ZFHX3: variants seen among roughly 807,000 people sequenced by gnomAD.
ZFHX3 encodes the protein zinc finger homeobox protein 3.
ZFHX3 carries 42 observed loss-of-function variants against 279.1 expected under a neutral mutation model. The observed-to-expected ratio is 0.15, with a 90% CI of 0.12 to 0.19. The LOEUF (loss-of-function observed/expected upper bound fraction) is 0.19. Among genes scored for constraint, ZFHX3 ranks in the 10% least tolerant of loss-of-function variants. ZFHX3 has a pLI of 1.00. For synonymous variants in ZFHX3, 2,293 were observed against 1,957.8 expected (o/e 1.17, Z -4.52); for missense variants, 4,981 against 4,754.0 (o/e 1.05, Z -1.40).
rs529589431 is a variant in ZFHX3, at chr16:73,153,116, C to T, written c.-1103-9285G>A. Among the ~76,000 whole-genome samples the T allele has an allele frequency of 1.1e-3, 163 of 152,216 alleles. 2 individuals are homozygous for T. The highest frequency in any genetic ancestry group is 3.7e-3 in the African/African-American group (152 of 41,552). ...TGTTAGGGAGAGACCCTCTCCTACC[C>T]CTCCAGCCCCACCACCCCAAACCAC... is the stretch of plus-strand genomic sequence containing the variant. On this transcript the variant is annotated intron_variant, in intron 5 of 17. Coordinates refer to the ZFHX3 transcript ENST00000641206.
At chr16:72,930,739 G>A (rs552503733) in intron 3 of ZFHX3, among the ~76,000 whole-genome samples, 8 of 152,242 alleles carry the variant, frequency 5.3e-5, no homozygotes, top group Admixed American at 5.2e-4. Context: ...CAAAAATAAT[G>A]CCTGTACATT....
chr16:73,433,385 T>C lies in ZFHX3; in HGVS notation c.-1291+22618A>G, dbSNP rs190921425. On this transcript the variant is annotated intron_variant, in intron 3 of 17. Coordinates refer to the ZFHX3 transcript ENST00000641206. ...ACACTGGAACCAAATTTGAATATCA[T>C]TTGCATCTTGCAGGTAGACAATAGA... is the stretch of plus-strand genomic sequence containing the variant. Among the ~76,000 whole-genome samples the C allele has an allele frequency of 2.2e-3, 342 of 152,204 alleles. 1 individual carries two copies. Among genetic ancestry groups the C allele is most frequent in the Non-Finnish European group, 3.1e-3 (213 of 68,026 alleles).
At chr16:72,915,823 A>C (rs2039428590) in intron 3 of ZFHX3, among the ~76,000 whole-genome samples, 1 of 152,240 alleles carries the variant, frequency 6.6e-6, no homozygotes, top group Non-Finnish European at 1.5e-5. Flanking sequence ...TCATTTTATA[A>C]AATGCAGAAA....
chr16:73,588,773 A>C (rs1170082662), intron 2 of ZFHX3, among the ~76,000 whole-genome samples: 1 of 152,030 alleles, frequency 6.6e-6, no homozygotes, highest in Non-Finnish European at 1.5e-5. Flanking sequence ...ACATGCAATC[A>C]TCAAAATTCA....
chr16:73,236,929 G>A (rs2012968137), intron 5 of ZFHX3, among the ~76,000 whole-genome samples: 1 of 152,196 alleles, frequency 6.6e-6, no homozygotes, highest in African/African-American at 2.4e-5. Context: ...TCAGCAAATG[G>A]TGAAGACAGC....
At chr16:73,159,378 CT>C (rs140613021) in intron 5 of ZFHX3, among the ~76,000 whole-genome samples, 5,949 of 152,232 alleles carry the variant, frequency 0.039, 370 homozygotes, top group African/African-American at 0.13. Flanking sequence ...GGCCATATGA[CT>C]TTTTTTCGGC....
chr16:73,603,019 C>T (rs2052137597), intron 2 of ZFHX3, among the ~76,000 whole-genome samples: 2 of 151,144 alleles, frequency 1.3e-5, no homozygotes, highest in Admixed American at 1.3e-4. Flanking sequence ...GGCGCGGTGA[C>T]TCACGCTTGT....
At chr16:73,299,842 C>G (rs1276824354) in intron 4 of ZFHX3, among the ~76,000 whole-genome samples, 1 of 152,166 alleles carries the variant, frequency 6.6e-6, no homozygotes, top group African/African-American at 2.4e-5. Flanking sequence ...ACTGGCCCAG[C>G]AAAGCAGACC....
At chr16:73,837,442 G>C (rs1294890465) in intron 1 of ZFHX3, among the ~76,000 whole-genome samples, 1 of 152,172 alleles carries the variant, frequency 6.6e-6, no homozygotes, top group Non-Finnish European at 1.5e-5. Flanking sequence ...GAGACAAAAA[G>C]TGTTGTGGTA....
At chr16:73,192,853 C>T (rs980173742) in intron 5 of ZFHX3, among the ~76,000 whole-genome samples, 2 of 152,126 alleles carry the variant, frequency 1.3e-5, no homozygotes, top group Non-Finnish European at 2.9e-5. Flanking sequence ...TCTCCTTGGG[C>T]GATCGACTGG....
At chr16:73,320,429 A>T (rs748527496) in intron 3 of ZFHX3, among the ~76,000 whole-genome samples, 2 of 152,248 alleles carry the variant, frequency 1.3e-5, no homozygotes, top group Non-Finnish European at 2.9e-5. Context: ...GCATTTATTT[A>T]TCGAACATAA....
chr16:73,229,958 T>C (rs946488019), intron 5 of ZFHX3, among the ~76,000 whole-genome samples: 1 of 152,058 alleles, frequency 6.6e-6, no homozygotes, highest in Admixed American at 6.6e-5. Flanking sequence ...TGATAGATGA[T>C]TGAGTGGATA....
At chr16:73,217,488 C>A (rs115756665) in intron 5 of ZFHX3, among the ~76,000 whole-genome samples, 2,379 of 152,258 alleles carry the variant, frequency 0.016, 69 homozygotes, top group African/African-American at 0.052. Context: ...CTACACTAAG[C>A]AATTGATCCC....
intron 1 of ZFHX3, among the ~76,000 whole-genome samples, chr16:73,877,888 TC>T (rs1567437750): frequency 6.6e-6 from 1 of 151,416 alleles, no homozygotes; most frequent in Non-Finnish European, 1.5e-5. Context: ...AAAGTTCAAC[TC>T]CCCCCAAAAA....
At chr16:73,403,610 A>T (rs1035762359) in intron 3 of ZFHX3, among the ~76,000 whole-genome samples, 1 of 152,188 alleles carries the variant, frequency 6.6e-6, no homozygotes, top group Admixed American at 6.5e-5. Context: ...ATTTGCTGTG[A>T]CACTTCAAAA....
chr16:72,859,528 T>A (rs888418475), intron 4 of ZFHX3, among the ~76,000 whole-genome samples: 1 of 152,218 alleles, frequency 6.6e-6, no homozygotes, highest in Non-Finnish European at 1.5e-5. Flanking sequence ...CATGTGGAAG[T>A]CCACTTATAA....
chr16:73,639,619 T>A (rs2052556518), intron 2 of ZFHX3, among the ~76,000 whole-genome samples: 1 of 150,788 alleles, frequency 6.6e-6, no homozygotes, highest in African/African-American at 2.4e-5. Context: ...AAAGCAGGAG[T>A]TTCCCTGTAT....
chr16:73,548,142 A>G (rs1002610184), intron 2 of ZFHX3, among the ~76,000 whole-genome samples: 3 of 152,192 alleles, frequency 2.0e-5, no homozygotes, highest in Non-Finnish European at 4.4e-5. Context: ...ATAATTTTGT[A>G]GTTATCTAAA....
At chr16:72,977,744 C>T (rs191491418) in intron 1 of ZFHX3, among the ~76,000 whole-genome samples, 30 of 152,150 alleles carry the variant, frequency 2.0e-4, no homozygotes, top group African/African-American at 6.5e-4. Context: ...ACCCCAAAAG[C>T]GGGGCAATGA....
Sources: gnomAD v4.1 joint callset for allele counts (sites outside exome capture counted in the v4.1 genomes callset) on GRCh38, gnomAD v4.1.1 for gene constraint, MANE v1.5 for transcripts, NCBI Gene and HGNC (gene_info 2026-07-23, HGNC 2026-07-21) for gene names.